The following MIGA1 variants were observed in gnomAD, a reference collection of about 807,000 sequenced individuals.
MIGA1 encodes family with sequence similarity 73, member A.
MIGA1 carries 58 observed loss-of-function variants against 82.0 expected under a neutral mutation model. The ratio of observed to expected loss-of-function variants is 0.71; its 90% confidence interval spans 0.57 to 0.88. MIGA1 has a LOEUF of 0.88. Ranked by LOEUF, MIGA1 falls within the 40% of genes least tolerant of loss-of-function variation. The probability of loss-of-function intolerance (pLI) is 0.00; values close to 1 mark genes in which losing one functional copy is unlikely to be tolerated. For synonymous variants in MIGA1, 249 were observed against 253.6 expected (o/e 0.98, Z 0.17); for missense variants, 751 against 749.1 (o/e 1.00, Z -0.03).
chr1:77,847,685 T>A, intron 8 of MIGA1: 1 of 1,577,906 alleles, frequency 6.3e-7, no homozygotes, highest in Non-Finnish European at 8.7e-7. Context: ...GTGGATTTTA[T>A]AGACACTTAC....
intron 4 of MIGA1, among the ~76,000 whole-genome samples, chr1:77,805,977 A>G (rs1306715886): frequency 1.3e-5 from 2 of 152,242 alleles, no homozygotes; most frequent in Non-Finnish European, 2.9e-5. Context: ...ACTGTACTGT[A>G]CTTGCCTAAC....
intron 1 of MIGA1, among the ~76,000 whole-genome samples, chr1:77,780,967 C>T (rs1212146284): frequency 1.4e-5 from 2 of 145,930 alleles, no homozygotes; most frequent in Non-Finnish European, 3.0e-5. Flanking sequence ...AGTGCAATGG[C>T]GTGATCTCTG....
chr1:77,799,924 C>T (rs868278854), intron 2 of MIGA1, among the ~76,000 whole-genome samples: 1 of 149,764 alleles, frequency 6.7e-6, no homozygotes, highest in African/African-American at 2.4e-5. Context: ...CTATATCCTG[C>T]TTGTTTTAGG....
intron 2 of MIGA1, among the ~76,000 whole-genome samples, chr1:77,786,681 A>G (rs567464897): frequency 7.9e-5 from 12 of 152,298 alleles, no homozygotes; most frequent in South Asian, 6.2e-4. Context: ...CCAGTTCCCA[A>G]TGAGTTCCTC....
intron 7 of MIGA1, among the ~76,000 whole-genome samples, chr1:77,822,754 TG>T (rs1683867456): frequency 6.6e-6 from 1 of 152,154 alleles, no homozygotes; most frequent in Admixed American, 6.6e-5. Context: ...ATTATACATT[TG>T]TACTATTTAT....
At chr1:77,865,197 T>C (rs913671393) in intron 13 of MIGA1, among the ~76,000 whole-genome samples, 2 of 151,814 alleles carry the variant, frequency 1.3e-5, no homozygotes, top group Non-Finnish European at 2.9e-5. Flanking sequence ...CAGGATCCAC[T>C]GGGTGCTTTT....
chr1:77,802,497 A>C (rs1682925514), intron 3 of MIGA1, among the ~76,000 whole-genome samples: 2 of 152,342 alleles, frequency 1.3e-5, no homozygotes, highest in South Asian at 4.1e-4. Context: ...AAACTTGTGC[A>C]GCATGGTGAC....
intron 9 of MIGA1, 125 bp from the exon 10 acceptor site, chr1:77,859,187 TTC>T: frequency 1.0e-6 from 1 of 987,084 alleles, no homozygotes; most frequent in Non-Finnish European, 1.6e-6. Flanking sequence ...TTTTTACATG[TTC>T]TGTCAGTATT....
intron 2 of MIGA1, among the ~76,000 whole-genome samples, chr1:77,796,097 A>G (rs557528056): frequency 2.0e-5 from 3 of 149,764 alleles, no homozygotes; most frequent in African/African-American, 7.4e-5. Context: ...GCACCCCAAT[A>G]CTCCTCTTTT....
At chr1:77,784,131 A>G (rs911846543) in intron 2 of MIGA1, among the ~76,000 whole-genome samples, 1 of 152,214 alleles carries the variant, frequency 6.6e-6, no homozygotes, top group African/African-American at 2.4e-5. Flanking sequence ...TGGACATACA[A>G]ATATCTCTTT....
chr1:77,870,800 C>A (rs1685946213), intron 14 of MIGA1, among the ~76,000 whole-genome samples: 1 of 151,004 alleles, frequency 6.6e-6, no homozygotes, highest in Non-Finnish European at 1.5e-5. Flanking sequence ...CACCATTGAG[C>A]ACTGAGTGAA....
chr1:77,819,589 T>C (rs1255627821), intron 7 of MIGA1, among the ~76,000 whole-genome samples: 1 of 149,082 alleles, frequency 6.7e-6, no homozygotes, highest in Non-Finnish European at 1.5e-5. Context: ...TGGCCTATTC[T>C]TTATTTTTTT....
intron 2 of MIGA1, among the ~76,000 whole-genome samples, chr1:77,792,341 A>G (rs1682462469): frequency 6.6e-6 from 1 of 152,170 alleles, no homozygotes; most frequent in African/African-American, 2.4e-5. Flanking sequence ...ATCTCCCTGT[A>G]GAGGAGAATT....
At position 77,878,613 on chromosome 1, in the gene MIGA1, C is replaced by T; in HGVS notation, c.*3549C>T. On this transcript the variant is annotated 3_prime_UTR_variant, in exon 16 of 16. Coordinates refer to ENST00000370791, the MANE Select transcript of MIGA1 (RefSeq NM_198549.4). ...TATAAGAGGGACTTCAATTAAGTCA[C>T]TCCTGAGAAAATATCCTTTTTTCTA... The T allele has an allele frequency of 3.3e-6, 1 of 298,562 alleles. No homozygotes were observed. Among genetic ancestry groups the T allele is most frequent in the Non-Finnish European group, 6.1e-6 (1 of 162,780 alleles). The allele number at this position is 298,562 out of a possible 1,614,324, so 18.5% of individuals were successfully genotyped here.
At chr1:77,798,852 T>G (rs1409632635) in intron 2 of MIGA1, among the ~76,000 whole-genome samples, 1 of 152,206 alleles carries the variant, frequency 6.6e-6, no homozygotes, top group Non-Finnish European at 1.5e-5. Flanking sequence ...TGGACATGAA[T>G]CATTCTGGGA....
At chr1:77,843,444 CT>C (rs1359278362) in intron 8 of MIGA1, 37 bp downstream of exon 8, 1 of 1,512,896 alleles carries the variant, frequency 6.6e-7, no homozygotes. Context: ...ATTTCTGTTT[CT>C]TTTTTGGTGG....
chr1:77,790,174 C>T (rs12035132), intron 2 of MIGA1, among the ~76,000 whole-genome samples: 6,186 of 152,270 alleles, frequency 0.041, 184 homozygotes, highest in East Asian at 0.15. Flanking sequence ...TATGCCAAGC[C>T]ATTTTATCAT....
intron 7 of MIGA1, among the ~76,000 whole-genome samples, chr1:77,823,120 C>T (rs896156467): frequency 2.2e-4 from 33 of 152,182 alleles, no homozygotes; most frequent in African/African-American, 7.5e-4. Flanking sequence ...GAATTACAGG[C>T]GTGAGCCACC....
At chr1:77,784,121 T>C (rs1225591058) in intron 2 of MIGA1, among the ~76,000 whole-genome samples, 2 of 152,264 alleles carry the variant, frequency 1.3e-5, no homozygotes, top group East Asian at 3.8e-4. Context: ...GCTATAAACA[T>C]GGACATACAA....
Sources: allele counts gnomAD v4.1 joint callset (sites outside exome capture counted in the v4.1 genomes callset), GRCh38; gene constraint gnomAD v4.1.1; transcripts MANE v1.5; gene names NCBI Gene and HGNC (gene_info 2026-07-23, HGNC 2026-07-21).